TG: variants seen among roughly 807,000 people sequenced by gnomAD.
TG encodes thyroglobulin.
TG carries 270 observed loss-of-function variants against 324.7 expected under a neutral mutation model. The observed-to-expected ratio is 0.83, with a 90% CI of 0.75 to 0.92. The LOEUF is 0.92. Ranked by LOEUF, TG falls within the 40% of genes least tolerant of loss-of-function variation. The probability of loss-of-function intolerance (pLI) is 0.00; values close to 1 mark genes in which losing one functional copy is unlikely to be tolerated. For missense variants in TG, 3,591 were observed against 3,456.4 expected (o/e 1.04, Z -0.98); for synonymous variants, 1,401 against 1,327.0 (o/e 1.06, Z -1.21).
intron 27 of TG, among the ~76,000 whole-genome samples, chr8:132,959,076 C>T (rs1378705289): frequency 1.3e-5 from 2 of 152,220 alleles, no homozygotes; most frequent in Non-Finnish European, 2.9e-5. Context: ...ATTGCACAGT[C>T]TGAGAAGTTC....
At chr8:132,949,301 G>A (rs917169654) in intron 27 of TG, among the ~76,000 whole-genome samples, 5 of 152,200 alleles carry the variant, frequency 3.3e-5, no homozygotes, top group South Asian at 2.1e-4. Flanking sequence ...CTGGAGGAAC[G>A]TACTCTTCTG....
chr8:133,016,903 G>A (rs1241705215), intron 37 of TG, among the ~76,000 whole-genome samples: 2 of 152,258 alleles, frequency 1.3e-5, no homozygotes, highest in African/African-American at 4.8e-5. Context: ...CTGGCGATTA[G>A]TGTTGCATGG....
chr8:132,967,243 CATCCATCT>C (rs1159728031), intron 30 of TG, among the ~76,000 whole-genome samples: 4 of 79,240 alleles, frequency 5.0e-5, no homozygotes, highest in East Asian at 7.1e-4. Context: ...TCCATCCATC[CATCCATCT>C]ATCCATCCAT....
intron 41 of TG, chr8:133,048,915 G>T (rs896916219): frequency 4.4e-6 from 1 of 227,500 alleles, no homozygotes; most frequent in African/African-American, 2.2e-5. Flanking sequence ...TGCAAGATGA[G>T]CATGTGGCAT....
intron 41 of TG, among the ~76,000 whole-genome samples, chr8:133,055,922 G>T (rs543255516): frequency 6.6e-6 from 1 of 152,108 alleles, no homozygotes; most frequent in East Asian, 1.9e-4. Flanking sequence ...TGGTACCGAG[G>T]TTACCCCTGA....
chr8:132,900,235 A>G lies in TG; in HGVS notation c.3331-2A>G. 6.2e-7 allele frequency: 1 copy of G among 1,613,658 alleles called. No individual in the cohort carries two copies. Among genetic ancestry groups the G allele is most frequent in the Non-Finnish European group, 8.5e-7 (1 of 1,179,838 alleles). ...ACTGACATGACCCCGGCTTTGTCTC[A>G]GACAGGAGAGTATGCCAGGCTGCAG... On this transcript the variant is annotated splice_acceptor_variant, in intron 14 of 47. Coordinates refer to ENST00000220616, the MANE Select transcript of TG (RefSeq NM_003235.5). LOFTEE classifies it high-confidence loss of function.
chr8:132,981,410 A>G (rs1830828687), intron 34 of TG, among the ~76,000 whole-genome samples: 1 of 152,204 alleles, frequency 6.6e-6, no homozygotes, highest in African/African-American at 2.4e-5. Context: ...GGACGTTTGA[A>G]TGCCCTCAAC....
At chr8:133,049,253 T>C in intron 41 of TG, 3 of 419,288 alleles carry the variant, frequency 7.2e-6, no homozygotes, top group Non-Finnish European at 1.4e-5. Flanking sequence ...CTCTTGTTTA[T>C]CTTACCCATT....
At chr8:132,911,683 A>C in intron 19 of TG, 150 bp downstream of exon 19, 1 of 690,598 alleles carries the variant, frequency 1.4e-6, no homozygotes, top group Non-Finnish European at 2.5e-6. Flanking sequence ...ACATATAATA[A>C]TCAATAGACT....
In TG at chr8:132,887,196, T is replaced by C. The variant is rs755509974; in HGVS notation, c.1824T>C (p.Cys608=). The C allele has an allele frequency of 3.1e-6, 5 of 1,613,222 alleles. No individual in the cohort carries two copies. The highest frequency in any genetic ancestry group is 3.4e-6 in the Non-Finnish European group (4 of 1,179,388). Residue 608 remains cysteine (C), a synonymous_variant, in exon 9 of 48, where the codon TGT becomes TGC. Coordinates refer to ENST00000220616, the MANE Select transcript of TG (RefSeq NM_003235.5). ...AAACGGTACTCAGCTCCCAGACCTG[T>C]GAGCAGACACCTGAAAGGCTATTTG... ...VMETVLSSQT[C]EQTPERLFVP...
Position 132,972,972 on chromosome 8 carries a change from A to G in TG, c.6199+231A>G, listed in dbSNP as rs149825820. On this transcript the variant is annotated intron_variant, in intron 34 of 47. Coordinates refer to ENST00000220616, the MANE Select transcript of TG (RefSeq NM_003235.5). ...GTCTCAGTAAAGACGGAAATGGACC[A>G]TTTCCATGGATGTATGTAACAAGAA... Among the ~76,000 whole-genome samples, 553 of 152,276 alleles carry G rather than the reference A, an allele frequency of 3.6e-3. 6 individuals are homozygous for G. Among genetic ancestry groups the G allele is most frequent in the African/African-American group, 0.012 (517 of 41,554 alleles).
At chr8:133,028,436 A>G (rs1836306543) in intron 40 of TG, among the ~76,000 whole-genome samples, 1 of 152,238 alleles carries the variant, frequency 6.6e-6, no homozygotes. Flanking sequence ...ACTCTGAGCT[A>G]AGTGGAGTGC....
chr8:132,998,747 AC>A (rs1490677088), intron 35 of TG, among the ~76,000 whole-genome samples: 3 of 152,336 alleles, frequency 2.0e-5, no homozygotes, highest in Admixed American at 1.3e-4. Flanking sequence ...TAGGAAAACT[AC>A]AATTTAAATG....
At chr8:132,946,101 A>T (rs1211703357) in intron 26 of TG, among the ~76,000 whole-genome samples, 1 of 152,128 alleles carries the variant, frequency 6.6e-6, no homozygotes, top group Admixed American at 6.5e-5. Flanking sequence ...GTATATCTAT[A>T]TTTAGAAACA....
chr8:132,871,661 C>A (rs971333406), intron 4 of TG, 110 bp downstream of exon 4: 15 of 1,042,596 alleles, frequency 1.4e-5, no homozygotes, highest in African/African-American at 3.2e-5. Flanking sequence ...GAGAACCAGG[C>A]CCTCATTAGG....
intron 41 of TG, among the ~76,000 whole-genome samples, chr8:133,093,273 A>G (rs1847874972): frequency 6.6e-6 from 1 of 152,190 alleles, no homozygotes; most frequent in African/African-American, 2.4e-5. Context: ...TCCTTGGGTC[A>G]TTGAATTCCA....
intron 26 of TG, among the ~76,000 whole-genome samples, chr8:132,943,457 A>T (rs1057211664): frequency 6.6e-6 from 1 of 152,092 alleles, no homozygotes; most frequent in African/African-American, 2.4e-5. Context: ...TCTTTACTTT[A>T]TAAATTACCC....
At chr8:132,982,492 C>A (rs749769748) in intron 34 of TG, among the ~76,000 whole-genome samples, 4 of 152,204 alleles carry the variant, frequency 2.6e-5, no homozygotes, top group Non-Finnish European at 4.4e-5. Flanking sequence ...TTTACATCAT[C>A]TTCGTTTTAT....
At chr8:132,962,854 C>T (rs1827958197) in intron 28 of TG, 140 bp from the exon 29 acceptor site, 5 of 782,248 alleles carry the variant, frequency 6.4e-6, no homozygotes, top group Admixed American at 1.7e-5. Context: ...AGATCCATGT[C>T]AGGGCATCTG....
Sources: gnomAD v4.1 joint callset for allele counts (sites outside exome capture counted in the v4.1 genomes callset) on GRCh38, gnomAD v4.1.1 for gene constraint, MANE v1.5 for transcripts, NCBI Gene and HGNC (gene_info 2026-07-23, HGNC 2026-07-21) for gene names.